The following GRIA2 variants were observed in gnomAD, a reference collection of about 807,000 sequenced individuals.
The protein encoded by GRIA2 is glutamate ionotropic receptor AMPA type subunit 2, also known as glutamate receptor 2.
GRIA2 carries 14 observed loss-of-function variants against 97.3 expected under a neutral mutation model. The observed-to-expected ratio is 0.14, with a 90% confidence interval of 0.10 to 0.23. GRIA2 has a LOEUF of 0.23. Ranked by LOEUF, GRIA2 falls within the 10% of genes least tolerant of loss-of-function variation. The pLI is 1.00. For missense variants in GRIA2, 558 were observed against 1,069.8 expected (o/e 0.52, Z 6.67); for synonymous variants, 412 against 387.8 (o/e 1.06, Z -0.73).
intron 2 of GRIA2, among the ~76,000 whole-genome samples, chr4:157,228,335 G>GAGGT: frequency 6.6e-6 from 1 of 152,274 alleles, no homozygotes; most frequent in Middle Eastern, 3.4e-3. Flanking sequence ...TATTTAGACA[G>GAGGT]AGGTGTATTA....
rs1052395385 is a variant in GRIA2 at position 157,360,991 on chromosome 4, T to C, written c.2292-19T>C. The C allele has an allele frequency of 6.5e-7, 1 of 1,548,504 alleles. No homozygotes were observed. The highest frequency in any genetic ancestry group is 8.9e-7 in the Non-Finnish European group (1 of 1,121,252). ...AAATTTGCTCACCCTGTCTGACAAG[T>C]ATGTTTTATCGTTTCAAGAAATGCG... On this transcript the variant is annotated intron_variant, in intron 13 of 15. Transcript: ENST00000264426.
At chr4:157,320,920 T>A (rs1734533170) in intron 5 of GRIA2, among the ~76,000 whole-genome samples, 1 of 152,114 alleles carries the variant, frequency 6.6e-6, no homozygotes, top group African/African-American at 2.4e-5. Flanking sequence ...AATTAGCTTC[T>A]GGCTGAATGT....
At chr4:157,275,698 T>C (rs1732270810) in intron 2 of GRIA2, among the ~76,000 whole-genome samples, 1 of 152,174 alleles carries the variant, frequency 6.6e-6, no homozygotes, top group Admixed American at 6.6e-5. Context: ...GCATTATTTC[T>C]GAGGGCTTTG....
At position 157,283,533 on chromosome 4, in the gene GRIA2, A is replaced by G. The variant is rs184717920; in HGVS notation, c.230-20019A>G. 3.0e-3 allele frequency among the ~76,000 whole-genome samples: 451 copies of G among 152,112 alleles called. 2 individuals carry two copies. Among genetic ancestry groups the G allele is most frequent in the African/African-American group, 0.011 (439 of 41,560 alleles). On this transcript the variant is annotated intron_variant, in intron 2 of 15. Coordinates refer to ENST00000264426, the MANE Select transcript of GRIA2 (RefSeq NM_001083619.3). ...TTAAATAAACCCTTAATGAGCAAAA[A>G]CAATTTCTTCAGTGCAAAAATTCAT...
chr4:157,295,506 T>C (rs1312724619), intron 2 of GRIA2, among the ~76,000 whole-genome samples: 1 of 152,062 alleles, frequency 6.6e-6, no homozygotes, highest in Non-Finnish European at 1.5e-5. Context: ...TGAGTGTCTG[T>C]GCTAGGAACT....
At chr4:157,311,122 A>G (rs1734063584) in intron 3 of GRIA2, among the ~76,000 whole-genome samples, 1 of 152,038 alleles carries the variant, frequency 6.6e-6, no homozygotes, top group Non-Finnish European at 1.5e-5. Flanking sequence ...GTATTTCCAA[A>G]AATAAATATC....
chr4:157,291,804 A>G (rs2126837523), intron 2 of GRIA2, among the ~76,000 whole-genome samples: 1 of 152,100 alleles, frequency 6.6e-6, no homozygotes, highest in East Asian at 1.9e-4. Context: ...CACCTAGAAG[A>G]ATCCAAAAGA....
At chr4:157,220,166 C>CAGA (rs1729423041), upstream of GRIA2, 1 of 152,174 alleles carries the variant, frequency 6.6e-6, no homozygotes, top group Non-Finnish European at 1.5e-5. Flanking sequence ...GACAGGGCTT[C>CAGA]TGTATTGCTA....
intron 2 of GRIA2, among the ~76,000 whole-genome samples, chr4:157,263,098 A>C (rs1185530436): frequency 6.6e-6 from 1 of 152,132 alleles, no homozygotes; most frequent in African/African-American, 2.4e-5. Context: ...ATTTCTGCAA[A>C]CTAGGCCACA....
At chr4:157,348,949 G>T (rs1446457803) in intron 12 of GRIA2, among the ~76,000 whole-genome samples, 1 of 152,110 alleles carries the variant, frequency 6.6e-6, no homozygotes, top group East Asian at 1.9e-4. Context: ...AAATTATGAA[G>T]TCATTGTCCT....
At chr4:157,326,299 G>A (rs1253288399) in intron 6 of GRIA2, among the ~76,000 whole-genome samples, 1 of 152,138 alleles carries the variant, frequency 6.6e-6, no homozygotes, top group East Asian at 1.9e-4. Context: ...CAGGGTTTGT[G>A]CATCACCCTT....
At position 157,335,888 on chromosome 4, in the gene GRIA2, C is replaced by T. The variant is rs1407500733; in HGVS notation, c.1473+11C>T. On this transcript the variant is annotated intron_variant, in intron 10 of 15. Coordinates refer to ENST00000264426, the MANE Select transcript of GRIA2 (RefSeq NM_001083619.3). ...GAACTTGTATATGGGGTAAGTATAG[C>T]TCTTCTCATAGATAAAGTCATTCAA... 1 of 1,519,042 alleles carries T rather than the reference C, an allele frequency of 6.6e-7. No homozygotes were observed. The highest frequency in any genetic ancestry group is 9.1e-7 in the Non-Finnish European group (1 of 1,097,328). The allele number at this position is 1,519,042 out of a possible 1,614,324, so 94.1% of individuals were successfully genotyped here. A position where few individuals can be genotyped will look rare whatever the true frequency, so the allele number is the denominator to read the frequency against.
At chr4:157,300,093 G>T (rs550698170) in intron 2 of GRIA2, among the ~76,000 whole-genome samples, 15 of 151,804 alleles carry the variant, frequency 9.9e-5, no homozygotes, top group African/African-American at 3.6e-4. Flanking sequence ...TGATAGTCTC[G>T]GTGGTAGTAA....
intron 2 of GRIA2, among the ~76,000 whole-genome samples, chr4:157,289,008 A>G (rs887847244): frequency 3.3e-5 from 5 of 151,850 alleles, no homozygotes; most frequent in Non-Finnish European, 7.4e-5. Flanking sequence ...ATTTGTTTTT[A>G]GCGTTAACCT....
intron 2 of GRIA2, among the ~76,000 whole-genome samples, chr4:157,264,428 AT>A (rs1731678611): frequency 6.6e-6 from 1 of 151,978 alleles, no homozygotes; most frequent in Non-Finnish European, 1.5e-5. Context: ...TCTTTCTTGC[AT>A]TGTGTCTCTC....
intron 2 of GRIA2, among the ~76,000 whole-genome samples, chr4:157,243,405 G>T (rs919731226): frequency 1.3e-5 from 2 of 152,066 alleles, no homozygotes; most frequent in African/African-American, 4.8e-5. Flanking sequence ...GATTTGAAAG[G>T]ATTTGGATCT....
intron 2 of GRIA2, among the ~76,000 whole-genome samples, chr4:157,287,865 C>T (rs55649923): frequency 0.073 from 11,099 of 151,576 alleles, 526 homozygotes; most frequent in Non-Finnish European, 0.1. Context: ...TGAAGACAGT[C>T]TTCAATGTCC....
chr4:157,310,058 A>G (rs1380467421), intron 3 of GRIA2, among the ~76,000 whole-genome samples: 1 of 152,184 alleles, frequency 6.6e-6, no homozygotes, highest in East Asian at 1.9e-4. Flanking sequence ...TTACTTGCAG[A>G]GAAAAGTGGG....
At chr4:157,313,258 G>A (rs1269523105) in intron 4 of GRIA2, among the ~76,000 whole-genome samples, 1 of 152,098 alleles carries the variant, frequency 6.6e-6, no homozygotes, top group Non-Finnish European at 1.5e-5. Context: ...GGAAAAGTGA[G>A]TAATTCATGA....
Sources: allele counts gnomAD v4.1 joint callset (sites outside exome capture counted in the v4.1 genomes callset), GRCh38; gene constraint gnomAD v4.1.1; transcripts MANE v1.5; gene names NCBI Gene and HGNC (gene_info 2026-07-23, HGNC 2026-07-21).